Variants in FBXO41 observed in about 807,000 individuals in gnomAD.
FBXO41 encodes F-box protein 41.
A neutral mutation model predicts 81.6 loss-of-function variants in FBXO41; 33 were observed. The ratio of observed to expected loss-of-function variants is 0.40; its 90% CI spans 0.31 to 0.54. The LOEUF is 0.54. Ranked by LOEUF, FBXO41 falls within the 20% of genes least tolerant of loss-of-function variation. The pLI is 0.39. For synonymous variants in FBXO41, 576 were observed against 552.7 expected (o/e 1.04, Z -0.59); for missense variants, 1,107 against 1,236.0 (o/e 0.90, Z 1.56).
intron 1 of FBXO41, among the ~76,000 whole-genome samples, chr2:73,280,939 T>G (rs1688829111): frequency 6.6e-6 from 1 of 152,252 alleles, no homozygotes; most frequent in African/African-American, 2.4e-5. Context: ...CACCACTTGT[T>G]ATCATGGAAC....
chr2:73,271,291 C>T, intron 1 of FBXO41: 1 of 258,016 alleles, frequency 3.9e-6, no homozygotes, highest in South Asian at 4.5e-5. Flanking sequence ...CATAGGGAAC[C>T]ATCCTTCCCC....
intron 1 of FBXO41, among the ~76,000 whole-genome samples, chr2:73,278,433 T>A (rs1223920234): frequency 1.3e-5 from 2 of 152,264 alleles, no homozygotes; most frequent in Admixed American, 1.3e-4. Context: ...TCCTAAGCTC[T>A]ATTCAAACAC....
rs17008914 is a variant in FBXO41 at position 73,274,412 on chromosome 2, A to G, written c.-138-4644T>C. On this transcript the variant is annotated intron_variant, in intron 1 of 12. Transcript: ENST00000520530. ...ATATTATTGATCCTGTGTCATTTAT[A>G]TACCTCAAATATTTTTCTCAAGTGT... is the stretch of plus-strand genomic sequence containing the variant. Among the ~76,000 whole-genome samples, 4,637 of 152,304 alleles carry G rather than the reference A, an allele frequency of 0.03. 535 individuals carry two copies. The East Asian group carries it at 0.41, about 13-fold the overall frequency.
Position 73,284,271 on chromosome 2 carries a change from C to G in FBXO41, c.-250G>C, listed in dbSNP as rs983026064. ...CCGCCTTGGGGCCTCGGATCTCGTT[C>G]CCCTCCGCAGCCTTGGGTGGCCGCC... is the stretch of plus-strand genomic sequence containing the variant. On this transcript the variant is annotated 5_prime_UTR_variant, in exon 1 of 13. Coordinates refer to ENST00000520530, the MANE Select transcript of FBXO41 (RefSeq NM_001371389.2). The surrounding 1 kb of genome is among the most constrained non-coding windows in gnomAD (Gnocchi z 7.4). The G allele has an allele frequency of 1.3e-5, 2 of 152,170 alleles. No individual in the cohort carries two copies. The highest frequency in any genetic ancestry group is 1.5e-5 in the Non-Finnish European group (1 of 68,074). The allele number at this position is 152,170 out of a possible 1,614,324, so 9.4% of individuals were successfully genotyped here.
chr2:73,272,212 T>TCG (rs1688527396), intron 1 of FBXO41: 1 of 152,140 alleles, frequency 6.6e-6, no homozygotes, highest in Admixed American at 6.6e-5. Context: ...AGGGGATTTG[T>TCG]AGAAAAATGT....
rs1173600899 is a variant in FBXO41 at position 73,259,174 on chromosome 2, C to T, written c.2565+7G>A. ...GGTCTTGGACAGCCTCAGAGCTGAC[C>T]CCTCACCTGGAGTTTTGTCACCATG... is the stretch of plus-strand genomic sequence containing the variant. On this transcript the variant is annotated splice_region_variant and intron_variant, in intron 12 of 12. Transcript: ENST00000520530. The surrounding 1 kb of genome is among the most constrained non-coding windows in gnomAD (Gnocchi z 4.2). 1 of 1,613,896 alleles carries T rather than the reference C, an allele frequency of 6.2e-7. No homozygotes were observed. The highest frequency in any genetic ancestry group is 1.1e-5 in the South Asian group (1 of 91,088).
intron 1 of FBXO41, chr2:73,271,499 G>C (rs1688488978): frequency 1.3e-5 from 2 of 152,896 alleles, no homozygotes; most frequent in Non-Finnish European, 2.9e-5. Flanking sequence ...TTCTCCTTTT[G>C]GGAGGAGACA....
At position 73,269,301 on chromosome 2, in the gene FBXO41, ATGGTGGTGG is replaced by A; in HGVS notation, c.321_329del (p.His110_His112del). On this transcript the variant is annotated inframe_deletion, in exon 2 of 13. Transcript: ENST00000520530. This position sits in a 1 kb window ranked among gnomAD's most constrained non-coding sequence, Gnocchi z 7.0. The stretch of plus-strand genomic sequence containing the variant: ...GGAAGTGGGCGAGGGGAGCGTGGTG[ATGGTGGTGG>A]TGCAGCAGGTGCGGCGCCGCGGGCG... 1.3e-6 allele frequency: 2 copies of A among 1,529,554 alleles called. No homozygotes were observed. Among genetic ancestry groups the A allele is most frequent in the Admixed American group, 2.0e-5 (1 of 49,702 alleles). 94.7% of individuals were successfully genotyped at this position (1,529,554 alleles called of 1,614,324 possible). A position where few individuals can be genotyped will look rare whatever the true frequency, so the allele number is the denominator to read the frequency against.
chr2:73,268,634 T>C (rs922315048), intron 2 of FBXO41, 92 bp downstream of exon 2: 44 of 1,274,430 alleles, frequency 3.5e-5, no homozygotes, highest in Non-Finnish European at 4.4e-5. Context: ...CATGGCCACA[T>C]ACAGACACAC....
At chr2:73,262,102 A>T (rs1688039947) in intron 9 of FBXO41, among the ~76,000 whole-genome samples, 1 of 152,188 alleles carries the variant, frequency 6.6e-6, no homozygotes, top group Admixed American at 6.5e-5. Context: ...CCATGCCTGT[A>T]GTCCCAGCTA....
rs767419723 is a variant in FBXO41, at chr2:73,264,460, A to G, written c.1624T>C (p.Ser542Pro). 1.9e-6 allele frequency: 3 copies of G among 1,613,916 alleles called. No individual in the cohort carries two copies. Among genetic ancestry groups the G allele is most frequent in the Non-Finnish European group, 2.5e-6 (3 of 1,179,896 alleles). The stretch of plus-strand genomic sequence containing the variant: ...ATCTCTGGGCTGATGACCTCATTGG[A>G]GCGTGAGGGGCTGACCCTCTCTGCT... ...RRAERVSPSR[S>P]NEVISPEILK... The change falls in exon 6 of 13, where the codon TCC becomes CCC. Residue 542 changes from serine to proline, a missense_variant. By Grantham distance (74) the Ser-to-Pro change is moderately conservative. Coordinates refer to ENST00000520530, the MANE Select transcript of FBXO41 (RefSeq NM_001371389.2).
rs1046810868 is a variant in FBXO41, at chr2:73,269,544, C to T, written c.87G>A (p.Leu29=). Residue 29 remains leucine (L), a synonymous_variant, in exon 2 of 13, where the codon CTG becomes CTA. Coordinates refer to ENST00000520530, the MANE Select transcript of FBXO41 (RefSeq NM_001371389.2). This position sits in a 1 kb window ranked among gnomAD's most constrained non-coding sequence, Gnocchi z 7.0. ...FRSLSSLRAH[L]EYSHTYETLY... The stretch of plus-strand genomic sequence containing the variant: ...GCGTCTCGTAGGTGTGGCTGTACTC[C>T]AGGTGCGCGCGCAGCGACGACAGGC... The T allele has an allele frequency of 4.4e-6, 6 of 1,366,590 alleles. No individual in the cohort carries two copies. In the African/African-American group the frequency reaches 7.6e-5, roughly 17 times the overall value. The allele number at this position is 1,366,590 out of a possible 1,614,324, so 84.7% of individuals were successfully genotyped here. A position where few individuals can be genotyped will look rare whatever the true frequency, so the allele number is the denominator to read the frequency against.
chr2:73,283,569 C>T (rs1323543998), intron 1 of FBXO41, among the ~76,000 whole-genome samples: 1 of 152,154 alleles, frequency 6.6e-6, no homozygotes, highest in East Asian at 1.9e-4. Context: ...GCACACAGGC[C>T]CCGTGTCACA....
Position 73,263,683 on chromosome 2 carries a change from C to A in FBXO41, c.2070G>T (p.Thr690=), listed in dbSNP as rs185469051. The A allele has an allele frequency of 5.5e-5, 88 of 1,613,246 alleles. 1 individual carries two copies. The South Asian group carries it at 9.0e-4, about 17-fold the overall frequency. ...CTTCTAGTCGGTTGACCCACCTGTA[C>A]GTGACAGCCTGCAGGGCACGGCAGT... The part of the protein sequence containing the change: ...SCYCRALQAV[T]YRSATDPVGH... Residue 690 remains threonine (T), a synonymous_variant, in exon 8 of 13, where the codon ACG becomes ACT. Coordinates refer to ENST00000520530, the MANE Select transcript of FBXO41 (RefSeq NM_001371389.2).
chr2:73,269,845 C>A lies in FBXO41; in HGVS notation c.-138-77G>T. On this transcript the variant is annotated intron_variant, in intron 1 of 12. Coordinates refer to ENST00000520530, the MANE Select transcript of FBXO41 (RefSeq NM_001371389.2). This position sits in a 1 kb window ranked among gnomAD's most constrained non-coding sequence, Gnocchi z 7.0. ...GGCTCCCAGCCCGGAGCCCTCATCC[C>A]CCAGCCATGAGGAAATCAGCATTGA... 1 of 208,724 alleles carries A rather than the reference C, an allele frequency of 4.8e-6. No individual in the cohort carries two copies. The highest frequency in any genetic ancestry group is 9.3e-6 in the Non-Finnish European group (1 of 107,580). The allele number at this position is 208,724 out of a possible 1,614,324, so 12.9% of individuals were successfully genotyped here. A position where few individuals can be genotyped will look rare whatever the true frequency, so the allele number is the denominator to read the frequency against.
chr2:73,265,786 G>T, intron 4 of FBXO41, 107 bp downstream of exon 4: 2 of 1,441,652 alleles, frequency 1.4e-6, no homozygotes, highest in South Asian at 1.3e-5. Flanking sequence ...AGACATACGT[G>T]ACCCAGGGAG....
chr2:73,269,093 A>AAGGGCCGGGGCC lies in FBXO41; in HGVS notation c.526_537dup (p.Gly176_Pro179dup). ...GGCGAAGCGGAGGCAGGCCCGGGGC[A>AAGGGCCGGGGCC]AGGGCCGGGGCCGGGGCCAGGCGGC... On this transcript the variant is annotated inframe_insertion, in exon 2 of 13. Transcript: ENST00000520530. The surrounding 1 kb of genome is among the most constrained non-coding windows in gnomAD (Gnocchi z 7.0). 1 of 1,507,168 alleles carries AAGGGCCGGGGCC rather than the reference A, an allele frequency of 6.6e-7. No individual in the cohort carries two copies. The highest frequency in any genetic ancestry group is 8.8e-7 in the Non-Finnish European group (1 of 1,135,572). 93.4% of individuals were successfully genotyped at this position (1,507,168 alleles called of 1,614,324 possible). A position where few individuals can be genotyped will look rare whatever the true frequency, so the allele number is the denominator to read the frequency against.
At chr2:73,265,715 A>G (rs1274022438) in intron 4 of FBXO41, 75 bp from the exon 5 acceptor site, 2 of 1,435,338 alleles carry the variant, frequency 1.4e-6, no homozygotes, top group Non-Finnish European at 1.9e-6. Flanking sequence ...TGCCCCTACC[A>G]TCAGCTGAGG....
rs745628191 is a variant in FBXO41 at position 73,263,732 on chromosome 2, C to T, written c.2021G>A (p.Arg674His). The change falls in exon 8 of 13, where the codon CGC becomes CAC. Residue 674 changes from arginine to histidine, a missense_variant. By Grantham distance (29) the Arg-to-His change is conservative (BLOSUM62 0). Around this residue, in one of 2 missense-constraint regions of FBXO41, gnomAD observed 336 missense variants for 446.7 expected, o/e 0.75. Coordinates refer to ENST00000520530, the MANE Select transcript of FBXO41 (RefSeq NM_001371389.2). ...ISHCPNILTD[R>H]SLWLASCYCR... Reference sequence around the variant, plus strand: ...GTAGCAGCTGGCCAGCCAGAGCGAGCGGTCGGTGAGGATGTTTGGACAGTG... The same window carrying T: ...GTAGCAGCTGGCCAGCCAGAGCGAGTGGTCGGTGAGGATGTTTGGACAGTG... 28 of 1,613,844 alleles carry T rather than the reference C, an allele frequency of 1.7e-5. No individual in the cohort carries two copies. The highest frequency in any genetic ancestry group is 1.2e-4 in the South Asian group (11 of 91,092).
Sources: gnomAD v4.1 joint callset for allele counts (sites outside exome capture counted in the v4.1 genomes callset) on GRCh38, gnomAD v4.1.1 for gene constraint, gnomAD v4.1.1 regional missense constraint, Gnocchi (gnomAD v3.1) non-coding constraint, MANE v1.5 for transcripts, NCBI Gene and HGNC (gene_info 2026-07-23, HGNC 2026-07-21) for gene names.